Variants in NRG1 observed in about 807,000 individuals in gnomAD.
The protein encoded by NRG1 is pro-neuregulin-1, membrane-bound isoform.
Under a neutral mutation model 63.8 loss-of-function variants are expected in NRG1, and 18 were observed. That is an observed-to-expected ratio of 0.28 (90% CI 0.19 to 0.42). The LOEUF is 0.42. NRG1 is among the 10% of genes least tolerant of loss of function. NRG1 has a pLI of 1.00. For synonymous variants in NRG1, 302 were observed against 301.3 expected, an observed-to-expected ratio of 1.00 and a Z score of -0.02; for missense variants, 762 against 814.7, an observed-to-expected ratio of 0.94 and a Z score of 0.79.
chr8:32,316,472 C>CAAAAA (rs60206972), intron 1 of NRG1, among the ~76,000 whole-genome samples: 1 of 125,262 alleles, frequency 8.0e-6, no homozygotes, highest in Non-Finnish European at 1.7e-5. Context: ...GAGACTCCAT[C>CAAAAA]AAAAAAAAAA....
At chr8:31,746,823 G>A (rs1373856487) in intron 1 of NRG1, among the ~76,000 whole-genome samples, 2 of 151,934 alleles carry the variant, frequency 1.3e-5, no homozygotes, top group East Asian at 1.9e-4. Context: ...GTACTCTTTA[G>A]CCATAACACA....
At chr8:31,647,821 T>C (rs1804434333) in intron 1 of NRG1, among the ~76,000 whole-genome samples, 1 of 152,202 alleles carries the variant, frequency 6.6e-6, no homozygotes, top group African/African-American at 2.4e-5. Flanking sequence ...CACTAGCACC[T>C]TTCTTTTTGT....
chr8:32,617,952 G>T (rs1433021055), intron 5 of NRG1, among the ~76,000 whole-genome samples: 1 of 152,064 alleles, frequency 6.6e-6, no homozygotes, highest in African/African-American at 2.4e-5. Flanking sequence ...TGGTGTTTTG[G>T]CTATATTTTA....
chr8:32,583,971 G>T (rs917490629), intron 1 of NRG1, among the ~76,000 whole-genome samples: 6 of 152,264 alleles, frequency 3.9e-5, no homozygotes, highest in Middle Eastern at 3.4e-3. Flanking sequence ...GGAGTCAGTG[G>T]GTTGTGTCAG....
At chr8:31,847,400 T>C (rs887635145) in intron 1 of NRG1, among the ~76,000 whole-genome samples, 2 of 152,186 alleles carry the variant, frequency 1.3e-5, no homozygotes, top group African/African-American at 4.8e-5. Context: ...TTTCAGGGTG[T>C]TCGGATGAGC....
intron 1 of NRG1, among the ~76,000 whole-genome samples, chr8:32,467,319 T>C (rs1783015674): frequency 6.6e-6 from 1 of 152,132 alleles, no homozygotes; most frequent in East Asian, 1.9e-4. Context: ...CTCGTCTCCA[T>C]CAGCCTTTTG....
chr8:31,957,294 A>T (rs964992430), intron 1 of NRG1, among the ~76,000 whole-genome samples: 1 of 151,878 alleles, frequency 6.6e-6, no homozygotes, highest in East Asian at 1.9e-4. Context: ...ACACATACCC[A>T]TGCACTAACT....
rs182886169 is a variant in NRG1 at position 32,351,032 on chromosome 8, A to G, written c.38-244796A>G. Among the ~76,000 whole-genome samples, 591 of 152,230 alleles carry G rather than the reference A, an allele frequency of 3.9e-3. 3 individuals carry two copies. Among genetic ancestry groups the G allele is most frequent in the African/African-American group, 0.013 (541 of 41,536 alleles). Reference sequence around the variant, plus strand: ...TCCCCTTTTTGATCTCATGTCCACTATCGGTGTACTGAGGTCTCCTGGGCT... The same window carrying G: ...TCCCCTTTTTGATCTCATGTCCACTGTCGGTGTACTGAGGTCTCCTGGGCT... On this transcript the variant is annotated intron_variant, in intron 1 of 10. Transcript: ENST00000519301.
intron 1 of NRG1, among the ~76,000 whole-genome samples, chr8:31,847,155 C>A (rs1182711536): frequency 6.6e-6 from 1 of 152,186 alleles, no homozygotes; most frequent in Admixed American, 6.5e-5. Flanking sequence ...TTGACTTATC[C>A]ATACTAAATT....
At chr8:32,493,592 A>G (rs1000564499) in intron 1 of NRG1, among the ~76,000 whole-genome samples, 1 of 152,224 alleles carries the variant, frequency 6.6e-6, no homozygotes, top group South Asian at 2.1e-4. Flanking sequence ...GCCTCATTTG[A>G]AATGGCAGCA....
At chr8:32,270,414 G>A (rs1311021944) in intron 1 of NRG1, among the ~76,000 whole-genome samples, 1 of 152,122 alleles carries the variant, frequency 6.6e-6, no homozygotes, top group Non-Finnish European at 1.5e-5. Context: ...TTCTCATTCT[G>A]ACATCACAGG....
intron 1 of NRG1, among the ~76,000 whole-genome samples, chr8:32,381,521 A>C (rs1810348371): frequency 6.6e-6 from 1 of 152,214 alleles, no homozygotes; most frequent in Admixed American, 6.5e-5. Context: ...TAACAAAATA[A>C]ATAATTTATG....
intron 1 of NRG1, among the ~76,000 whole-genome samples, chr8:32,053,322 A>G (rs1164783285): frequency 1.3e-5 from 2 of 152,178 alleles, no homozygotes; most frequent in Non-Finnish European, 2.9e-5. Context: ...CTTCACAAGC[A>G]TGTATTGAAT....
chr8:32,731,051 G>A lies in NRG1; in HGVS notation c.632+2973G>A, dbSNP rs540715846. Among the ~76,000 whole-genome samples the A allele has an allele frequency of 2.6e-5, 4 of 152,242 alleles. No individual in the cohort carries two copies. The South Asian group carries it at 8.3e-4, about 32-fold the overall frequency. On this transcript the variant is annotated intron_variant, in intron 6 of 11. Transcript: ENST00000356819. ...ATCATCACTTAGCAAAGATTTACAA[G>A]CTGAGTGAGTGCATATGATAGTTTC...
chr8:32,537,620 A>C (rs1588161743), intron 1 of NRG1, among the ~76,000 whole-genome samples: 1 of 152,148 alleles, frequency 6.6e-6, no homozygotes, highest in South Asian at 2.1e-4. Context: ...AAGTCAGGGG[A>C]GAGTGGCAAC....
intron 5 of NRG1, among the ~76,000 whole-genome samples, chr8:32,629,717 ATCATAAATACTTGTTT>A (rs756727612): frequency 6.6e-6 from 1 of 152,042 alleles, no homozygotes; most frequent in Non-Finnish European, 1.5e-5. Context: ...TTTTCATTTT[ATCATAAATACTTGTTT>A]TCATGGTAAT....
chr8:31,682,940 T>C (rs1808490997), intron 1 of NRG1, among the ~76,000 whole-genome samples: 2 of 152,162 alleles, frequency 1.3e-5, no homozygotes, highest in Non-Finnish European at 1.5e-5. Flanking sequence ...GAGTTTTACA[T>C]GCAGGAGACT....
chr8:32,243,063 G>A (rs965738883), intron 1 of NRG1, among the ~76,000 whole-genome samples: 1 of 151,988 alleles, frequency 6.6e-6, no homozygotes, highest in African/African-American at 2.4e-5. Flanking sequence ...TTCTCCCTGT[G>A]TCTCTCCATG....
At chr8:32,064,161 A>G (rs1223014156) in intron 1 of NRG1, among the ~76,000 whole-genome samples, 1 of 152,080 alleles carries the variant, frequency 6.6e-6, no homozygotes, top group Non-Finnish European at 1.5e-5. Context: ...GGTTTGGGGT[A>G]AGAGCTATCT....
Sources: allele counts gnomAD v4.1 joint callset (sites outside exome capture counted in the v4.1 genomes callset), GRCh38; gene constraint gnomAD v4.1.1; transcripts MANE v1.5; gene names NCBI Gene and HGNC (gene_info 2026-07-23, HGNC 2026-07-21).